Variants in RIMS2 observed in about 807,000 individuals in gnomAD.
RIMS2 encodes the protein regulating synaptic membrane exocytosis 2.
In RIMS2, 59 loss-of-function variants were observed where a neutral mutation model predicts 174.4. The ratio of observed to expected loss-of-function variants is 0.34; its 90% CI spans 0.27 to 0.42. RIMS2 has a LOEUF of 0.42. Among genes scored for constraint, RIMS2 ranks in the 10% least tolerant of loss-of-function variants. The pLI, the probability that RIMS2 is intolerant of heterozygous loss-of-function variation, is 1.00. For missense variants in RIMS2, 1,620 were observed against 1,666.3 expected (o/e 0.97, Z 0.48); for synonymous variants, 606 against 572.5 (o/e 1.06, Z -0.84).
rs1044769268 is a variant in RIMS2 at position 103,931,520 on chromosome 8, G to C, written c.2375+127G>C. 6 of 570,406 alleles carry C rather than the reference G, an allele frequency of 1.1e-5. No homozygotes were observed. The South Asian group carries it at 1.9e-4, about 18-fold the overall frequency. 35.3% of individuals were successfully genotyped at this position (570,406 alleles called of 1,614,324 possible). ...GAGATATGTGAAGTTTAACATAAAC[G>C]TGATGTTCTTAGGAAACAAAATAGT... is the stretch of plus-strand genomic sequence containing the variant. On this transcript the variant is annotated intron_variant, in intron 12 of 23. Coordinates refer to ENST00000504942, the Ensembl canonical transcript of RIMS2.
chr8:104,117,845 T>G (rs972040492), intron 19 of RIMS2, among the ~76,000 whole-genome samples: 12 of 152,230 alleles, frequency 7.9e-5, no homozygotes, highest in Non-Finnish European at 1.6e-4. Flanking sequence ...TTGCTAAAAA[T>G]GTAGTTGTCC....
chr8:103,580,585 G>T (rs1346996481), intron 1 of RIMS2, among the ~76,000 whole-genome samples: 1 of 152,020 alleles, frequency 6.6e-6, no homozygotes, highest in Non-Finnish European at 1.5e-5. Context: ...TAATGGGAGA[G>T]ATAGACTGCA....
At chr8:104,230,774 C>T (rs1446656006) in intron 19 of RIMS2, among the ~76,000 whole-genome samples, 1 of 152,126 alleles carries the variant, frequency 6.6e-6, no homozygotes, top group Non-Finnish European at 1.5e-5. Flanking sequence ...AGGGAAAAGA[C>T]AAGGACTCAA....
chr8:103,776,868 CT>C (rs2098324361), intron 3 of RIMS2, among the ~76,000 whole-genome samples: 1 of 152,076 alleles, frequency 6.6e-6, no homozygotes, highest in Non-Finnish European at 1.5e-5. Flanking sequence ...AACAGCTGTT[CT>C]TTTTAATTTT....
At chr8:104,048,308 G>C (rs1456794229) in intron 19 of RIMS2, among the ~76,000 whole-genome samples, 2 of 152,162 alleles carry the variant, frequency 1.3e-5, no homozygotes, top group Non-Finnish European at 2.9e-5. Context: ...AAGAAATGCA[G>C]TGGTAAGTAA....
chr8:104,187,326 A>G (rs949269997), intron 19 of RIMS2, among the ~76,000 whole-genome samples: 2 of 151,848 alleles, frequency 1.3e-5, no homozygotes, highest in East Asian at 1.9e-4. Flanking sequence ...TTCAGTGCTT[A>G]TAATATGAAC....
intron 1 of RIMS2, among the ~76,000 whole-genome samples, chr8:103,578,097 GAAAT>G (rs2132648277): frequency 6.6e-6 from 1 of 152,228 alleles, no homozygotes; most frequent in African/African-American, 2.4e-5. Context: ...CCTTGGAAAA[GAAAT>G]AAATATCCAG....
At chr8:104,148,953 T>G in intron 19 of RIMS2, 105 bp downstream of exon 25, 2 of 1,184,704 alleles carry the variant, frequency 1.7e-6, no homozygotes, top group East Asian at 4.7e-5. Context: ...GATGATGACA[T>G]GTTCCAGAGG....
chr8:103,547,968 CTG>C (rs1845894316), intron 1 of RIMS2, among the ~76,000 whole-genome samples: 2 of 151,992 alleles, frequency 1.3e-5, no homozygotes, highest in African/African-American at 2.4e-5. Context: ...CAGGAAGAAA[CTG>C]TATCCTGGAA....
At chr8:103,886,372 C>T (rs1021964616) in intron 4 of RIMS2, 149 bp downstream of exon 7, 23 of 655,316 alleles carry the variant, frequency 3.5e-5, no homozygotes, top group Non-Finnish European at 3.0e-5. Context: ...AAGAAAATTT[C>T]GTGTTATAAA....
intron 19 of RIMS2, among the ~76,000 whole-genome samples, chr8:104,197,742 G>A (rs947496661): frequency 2.6e-5 from 4 of 152,184 alleles, no homozygotes; most frequent in Middle Eastern, 3.4e-3. Context: ...GGTGGTCAGG[G>A]ACAGAGAGTT....
intron 3 of RIMS2, among the ~76,000 whole-genome samples, chr8:103,813,754 A>T (rs1592988314): frequency 6.6e-6 from 1 of 152,162 alleles, no homozygotes; most frequent in Non-Finnish European, 1.5e-5. Flanking sequence ...ATGGCTGCAT[A>T]GTATTCCATG....
intron 3 of RIMS2, among the ~76,000 whole-genome samples, chr8:103,777,913 G>C (rs146035277): frequency 7.2e-4 from 110 of 151,908 alleles, no homozygotes; most frequent in African/African-American, 2.6e-3. Flanking sequence ...TATAAACTGG[G>C]TACAAAATTG....
rs989657841 is a variant in RIMS2 at position 103,592,038 on chromosome 8, A to G, written c.176+90976A>G. ...AGAACTTCCAATTCATGAATACTAT[A>G]TACCTCTTGATTTATTTAGATGTTC... On this transcript the variant is annotated intron_variant, in intron 1 of 23. Transcript: ENST00000504942. Among the ~76,000 whole-genome samples the G allele has an allele frequency of 4.6e-5, 7 of 151,352 alleles. No homozygotes were observed. In the East Asian group the frequency reaches 1.4e-3, roughly 29 times the overall value.
Position 103,937,669 on chromosome 8 carries a change from A to T in RIMS2, c.2547+947A>T, listed in dbSNP as rs1180357279. Among the ~76,000 whole-genome samples the T allele has an allele frequency of 7.9e-5, 12 of 152,330 alleles. 1 individual carries two copies. The East Asian group carries it at 2.3e-3, about 29-fold the overall frequency. On this transcript the variant is annotated intron_variant, in intron 13 of 23. Transcript: ENST00000504942. ...AAAGAGAGAGGAATTTAGCAAATTC[A>T]AGGGGAGTGAAATTCCTGAAGAGGA...
At chr8:103,634,183 G>A (rs968567485) in intron 1 of RIMS2, among the ~76,000 whole-genome samples, 2 of 152,098 alleles carry the variant, frequency 1.3e-5, no homozygotes, top group Non-Finnish European at 2.9e-5. Flanking sequence ...TCTTAACACT[G>A]CCTTAGTTTT....
At chr8:104,166,810 A>G (rs995163012) in intron 19 of RIMS2, among the ~76,000 whole-genome samples, 1 of 152,054 alleles carries the variant, frequency 6.6e-6, no homozygotes, top group African/African-American at 2.4e-5. Flanking sequence ...CCCAAAGTCC[A>G]TTATATCATT....
intron 2 of RIMS2, among the ~76,000 whole-genome samples, chr8:103,717,717 G>A (rs2097390645): frequency 6.6e-6 from 1 of 152,110 alleles, no homozygotes; most frequent in South Asian, 2.1e-4. Context: ...TTGACTACAA[G>A]ATAAAAGTAT....
intron 19 of RIMS2, among the ~76,000 whole-genome samples, chr8:104,236,906 T>A (rs1287821711): frequency 6.6e-6 from 1 of 152,130 alleles, no homozygotes; most frequent in African/African-American, 2.4e-5. Flanking sequence ...CAATATTAGT[T>A]AATTGCCACA....
Sources: gnomAD v4.1 joint callset for allele counts (sites outside exome capture counted in the v4.1 genomes callset) on GRCh38, gnomAD v4.1.1 for gene constraint, MANE v1.5 for transcripts, NCBI Gene and HGNC (gene_info 2026-07-23, HGNC 2026-07-21) for gene names.